The following ELF1 variants were observed in gnomAD, a reference collection of about 807,000 sequenced individuals.
The protein encoded by ELF1 is ETS-related transcription factor Elf-1.
A neutral mutation model predicts 59.9 loss-of-function variants in ELF1; 24 were observed. The observed-to-expected ratio is 0.40, with a 90% CI of 0.29 to 0.56. The LOEUF is 0.56. Ranked by LOEUF, ELF1 falls within the 20% of genes least tolerant of loss-of-function variation. The probability of loss-of-function intolerance (pLI) is 0.44; values close to 1 mark genes in which losing one functional copy is unlikely to be tolerated. For missense variants in ELF1, 627 were observed against 742.2 expected, an observed-to-expected ratio of 0.84 and a Z score of 1.80; for synonymous variants, 248 against 266.2, an observed-to-expected ratio of 0.93 and a Z score of 0.67.
At chr13:40,963,212 C>T (rs1871955005) in intron 2 of ELF1, among the ~76,000 whole-genome samples, 1 of 152,210 alleles carries the variant, frequency 6.6e-6, no homozygotes, top group African/African-American at 2.4e-5. Context: ...ATGTCCTTTA[C>T]TTATACACTA....
intron 1 of ELF1, chr13:40,993,409 G>A (rs1005627173): frequency 1.6e-5 from 12 of 745,530 alleles, no homozygotes; most frequent in Non-Finnish European, 2.8e-5. Context: ...GAGCGGGGCT[G>A]GGCGGCTCTG....
At chr13:41,037,182 A>G (rs1448353105) in intron 1 of ELF1, among the ~76,000 whole-genome samples, 1 of 152,100 alleles carries the variant, frequency 6.6e-6, no homozygotes, top group African/African-American at 2.4e-5. Flanking sequence ...TCTTGGGCAC[A>G]TACAATGTGC....
chr13:40,955,734 GC>G (rs1367256878), intron 3 of ELF1, among the ~76,000 whole-genome samples: 1 of 126,492 alleles, frequency 7.9e-6, no homozygotes, highest in African/African-American at 3.0e-5. Context: ...GGGGAGGTCA[GC>G]CCCCCGCCCG....
intron 1 of ELF1, among the ~76,000 whole-genome samples, chr13:41,030,893 G>T (rs909989455): frequency 6.6e-6 from 1 of 152,072 alleles, no homozygotes; most frequent in Non-Finnish European, 1.5e-5. Flanking sequence ...AGGCATGGTG[G>T]CTCACGCCTA....
chr13:40,953,460 C>A (rs1291396798), intron 3 of ELF1, among the ~76,000 whole-genome samples: 1 of 152,116 alleles, frequency 6.6e-6, no homozygotes, highest in African/African-American at 2.4e-5. Context: ...TGAACACTGG[C>A]AGGTACAAAA....
intron 1 of ELF1, among the ~76,000 whole-genome samples, chr13:40,996,151 C>T (rs780593908): frequency 1.3e-5 from 2 of 152,050 alleles, no homozygotes; most frequent in Non-Finnish European, 2.9e-5. Context: ...TGGCCAAAAT[C>T]CAGAACACTG....
intron 1 of ELF1, among the ~76,000 whole-genome samples, chr13:41,056,961 C>G (rs1179536017): frequency 1.3e-5 from 2 of 151,964 alleles, no homozygotes; most frequent in African/African-American, 4.8e-5. Flanking sequence ...GCCTACGTAG[C>G]CAAGATACAG....
intron 2 of ELF1, among the ~76,000 whole-genome samples, chr13:40,980,293 G>A (rs1379482575): frequency 6.6e-6 from 1 of 152,110 alleles, no homozygotes; most frequent in Non-Finnish European, 1.5e-5. Flanking sequence ...ATGGGGATCA[G>A]TATTTACCTT....
chr13:41,019,292 G>T lies in ELF1; in HGVS notation c.-293C>A. 2.0e-6 allele frequency: 2 copies of T among 985,414 alleles called. No individual in the cohort carries two copies. Among genetic ancestry groups the T allele is most frequent in the Non-Finnish European group, 2.4e-6 (2 of 829,932 alleles). 61.0% of individuals were successfully genotyped at this position (985,414 alleles called of 1,614,324 possible). The stretch of plus-strand genomic sequence containing the variant: ...ATAAAAAGCAATCCGACAAGTTTTA[G>T]CTGTTAAAATGGCTCCTGTAGATTG... On this transcript the variant is annotated 5_prime_UTR_variant, in exon 1 of 9. Transcript: ENST00000239882.
Position 40,941,252 on chromosome 13 carries a change from CTA to C in ELF1, c.923_924del (p.Ile308ArgfsTer15). 1 of 1,614,158 alleles carries C rather than the reference CTA, an allele frequency of 6.2e-7. No homozygotes were observed. The highest frequency in any genetic ancestry group is 8.5e-7 in the Non-Finnish European group (1 of 1,180,034). ...YINDEDPSSS[I>X]ESSDPSLSSS... ...GAAGATAGCGATGGATCTGAAGACT[CTA>C]TGCTGGAACTTGGATCCTCATCATT... On this transcript the variant is annotated frameshift_variant, in exon 8 of 9. Transcript: ENST00000239882. LOFTEE classifies it high-confidence loss of function.
intron 1 of ELF1, among the ~76,000 whole-genome samples, chr13:41,037,975 C>T (rs1876453209): frequency 6.6e-6 from 1 of 151,362 alleles, no homozygotes. Flanking sequence ...ACTCTTGCTA[C>T]TGTCTCCCCA....
At chr13:40,984,595 CTATTTCTACAAA>C (rs1421211766) in intron 1 of ELF1, among the ~76,000 whole-genome samples, 2 of 152,024 alleles carry the variant, frequency 1.3e-5, no homozygotes, top group Non-Finnish European at 2.9e-5. Flanking sequence ...GATATTTAAG[CTATTTCTACAAA>C]TATCCTTTAT....
chr13:41,018,065 A>C (rs938842437), intron 1 of ELF1, among the ~76,000 whole-genome samples: 10 of 152,238 alleles, frequency 6.6e-5, no homozygotes, highest in African/African-American at 2.4e-4. Flanking sequence ...CAGGCCTTCA[A>C]GCACTTAGTA....
chr13:40,962,917 C>T (rs1285220762), intron 2 of ELF1, among the ~76,000 whole-genome samples: 1 of 152,164 alleles, frequency 6.6e-6, no homozygotes, highest in Non-Finnish European at 1.5e-5. Flanking sequence ...ATTCTACTGT[C>T]TGAGCTTATA....
At chr13:40,966,363 T>A (rs758537139) in intron 2 of ELF1, among the ~76,000 whole-genome samples, 2 of 152,250 alleles carry the variant, frequency 1.3e-5, no homozygotes, top group African/African-American at 4.8e-5. Context: ...AGGATATATG[T>A]TGAAAGCAAA....
chr13:41,054,304 C>T (rs865978004), intron 1 of ELF1, among the ~76,000 whole-genome samples: 3 of 152,232 alleles, frequency 2.0e-5, no homozygotes, highest in African/African-American at 7.2e-5. Flanking sequence ...ATGAGCATCA[C>T]TGCATGCACC....
At chr13:41,023,424 T>C (rs1875764211), upstream of ELF1, among the ~76,000 whole-genome samples, 1 of 152,204 alleles carries the variant, frequency 6.6e-6, no homozygotes, top group Non-Finnish European at 1.5e-5. Context: ...ACCATTAAAA[T>C]GGCAAATGAC....
rs9634761 is a variant in ELF1 at position 41,036,185 on chromosome 13, G to C, written c.-229+24653C>G. Reference sequence around the variant, plus strand: ...CCCGTCTCGGCCTCCCAAAGGGCTGGGATTACAGGCATGAGCCACCACAGC... The same window carrying C: ...CCCGTCTCGGCCTCCCAAAGGGCTGCGATTACAGGCATGAGCCACCACAGC... On this transcript the variant is annotated intron_variant, in intron 1 of 1. Transcript: ENST00000405737. Among the ~76,000 whole-genome samples the C allele has an allele frequency of 2.7e-3, 415 of 151,840 alleles. 8 individuals carry two copies. In the East Asian group the frequency reaches 0.049, roughly 18 times the overall value.
chr13:40,955,261 C>T (rs1236623523), intron 3 of ELF1, among the ~76,000 whole-genome samples: 2 of 110,636 alleles, frequency 1.8e-5, no homozygotes, highest in Non-Finnish European at 4.5e-5. Flanking sequence ...GCAGCCACCC[C>T]GTCTGGGAGG....
Sources: gnomAD v4.1 joint callset for allele counts (sites outside exome capture counted in the v4.1 genomes callset) on GRCh38, gnomAD v4.1.1 for gene constraint, MANE v1.5 for transcripts, NCBI Gene and HGNC (gene_info 2026-07-23, HGNC 2026-07-21) for gene names.